The following ARID5A variants were observed in gnomAD, a reference collection of about 807,000 sequenced individuals.
ARID5A encodes AT-rich interactive domain-containing protein 5A.
A neutral mutation model predicts 30.5 loss-of-function variants in ARID5A; 14 were observed. The ratio of observed to expected loss-of-function variants is 0.46; its 90% CI spans 0.30 to 0.72. ARID5A has a LOEUF of 0.72. Ranked by LOEUF, ARID5A falls within the 30% of genes least tolerant of loss-of-function variation. ARID5A has a pLI of 0.07. For missense variants in ARID5A, 669 were observed against 786.2 expected (o/e 0.85, Z 1.78); for synonymous variants, 338 against 340.4 (o/e 0.99, Z 0.08).
chr2:96,549,311 C>G lies in ARID5A; in HGVS notation c.121-10C>G, dbSNP rs1216758638. ...GGGGCCCATCCCAATGCCTCCTGTT[C>G]TCTCCCCAGGACTCCCCCGAGGCAG... On this transcript the variant is annotated splice_polypyrimidine_tract_variant and intron_variant, in intron 2 of 6. Coordinates refer to ENST00000357485, the MANE Select transcript of ARID5A (RefSeq NM_212481.3). The surrounding 1 kb of genome is among the most constrained non-coding windows in gnomAD (Gnocchi z 6.1). 6.2e-7 allele frequency: 1 copy of G among 1,610,798 alleles called. No individual in the cohort carries two copies. The highest frequency in any genetic ancestry group is 1.3e-5 in the African/African-American group (1 of 74,844).
chr2:96,544,826 G>A (rs1467972853), intron 1 of ARID5A, among the ~76,000 whole-genome samples: 2 of 152,182 alleles, frequency 1.3e-5, no homozygotes, highest in Admixed American at 6.5e-5. Flanking sequence ...TCCTCTGATG[G>A]GCAAAATACA....
In ARID5A at chr2:96,550,559, G is replaced by A. The variant is rs377598098; in HGVS notation, c.411-15G>A. 3 of 1,588,758 alleles carry A rather than the reference G, an allele frequency of 1.9e-6. No homozygotes were observed. In the African/African-American group the frequency reaches 4.0e-5, roughly 21 times the overall value. On this transcript the variant is annotated splice_polypyrimidine_tract_variant and intron_variant, in intron 5 of 6. Coordinates refer to ENST00000357485, the MANE Select transcript of ARID5A (RefSeq NM_212481.3). The surrounding 1 kb of genome is among the most constrained non-coding windows in gnomAD (Gnocchi z 6.6). ...GGCGCCGGCCTCCTGGGGGACATGC[G>A]TGGTTCCTCACCAGGCTGGTCCTGC...
Position 96,549,895 on chromosome 2 carries a change from C to T in ARID5A, c.312+90C>T. 1 of 1,549,740 alleles carries T rather than the reference C, an allele frequency of 6.5e-7. No homozygotes were observed. The highest frequency in any genetic ancestry group is 8.7e-7 in the Non-Finnish European group (1 of 1,145,798). On this transcript the variant is annotated intron_variant, in intron 4 of 6. Transcript: ENST00000357485. The surrounding 1 kb of genome is among the most constrained non-coding windows in gnomAD (Gnocchi z 6.1). ...CCTTGCCTCTGGACAGAGGAAGAGCCAGGATCCCCAGTCCTACCCCTGCGT... is the reference window on the plus strand; with the variant it reads ...CCTTGCCTCTGGACAGAGGAAGAGCTAGGATCCCCAGTCCTACCCCTGCGT...
At position 96,550,723 on chromosome 2, in the gene ARID5A, G is replaced by T. The variant is rs761510345; in HGVS notation, c.560G>T (p.Arg187Leu). Residue 187 changes from arginine to leucine, a missense_variant, in exon 6 of 7, where the codon CGC (arginine) becomes CTC (leucine). Transcript: ENST00000357485. The surrounding 1 kb of genome is among the most constrained non-coding windows in gnomAD (Gnocchi z 6.6). Reference protein sequence around the residue: ...ERPKKAKEERRMDQMMPGKTK... With the variant: ...ERPKKAKEERLMDQMMPGKTK... ...CCGAAGAAGGCCAAGGAGGAGCGGC[G>T]CATGGACCAGGTAGGCCTGCGGCTG... 32 of 1,573,776 alleles carry T rather than the reference G, an allele frequency of 2.0e-5. No homozygotes were observed. The highest frequency in any genetic ancestry group is 2.7e-5 in the Non-Finnish European group (31 of 1,160,886).
In ARID5A at chr2:96,551,480, T is replaced by C. The variant is rs1573204959; in HGVS notation, c.952T>C (p.Leu318=). 2 of 1,589,518 alleles carry C rather than the reference T, an allele frequency of 1.3e-6. No homozygotes were observed. Among genetic ancestry groups the C allele is most frequent in the East Asian group, 2.3e-5 (1 of 43,544 alleles). Residue 318 remains leucine, a synonymous_variant, in exon 7 of 7, where the codon TTG becomes CTG. Transcript: ENST00000357485. The stretch of plus-strand genomic sequence containing the variant: ...GCACCGGCTGACCCCTCAGGAGGGA[T>C]TGCAGGCCCCAGGTGGCAGCCTCAG... ...SRHRLTPQEG[L]QAPGGSLREE...
Position 96,549,305 on chromosome 2 carries a change from C to T in ARID5A, c.121-16C>T, listed in dbSNP as rs750903981. 1 of 1,609,824 alleles carries T rather than the reference C, an allele frequency of 6.2e-7. No homozygotes were observed. Among genetic ancestry groups the T allele is most frequent in the Non-Finnish European group, 8.5e-7 (1 of 1,178,556 alleles). On this transcript the variant is annotated splice_polypyrimidine_tract_variant and intron_variant, in intron 2 of 6. Coordinates refer to ENST00000357485, the MANE Select transcript of ARID5A (RefSeq NM_212481.3). This position sits in a 1 kb window ranked among gnomAD's most constrained non-coding sequence, Gnocchi z 6.1. ...CCAACTGGGGCCCATCCCAATGCCTCCTGTTCTCTCCCCAGGACTCCCCCG... is the reference window on the plus strand; with the variant it reads ...CCAACTGGGGCCCATCCCAATGCCTTCTGTTCTCTCCCCAGGACTCCCCCG...
chr2:96,550,678 A>T lies in ARID5A; in HGVS notation c.515A>T (p.Asp172Val). ...QYKMAKENRG[D>V]DGATERPKKA... ...AAGATGGCTAAGGAGAACAGGGGGG[A>T]TGATGGGGCCACCGAGAGGCCGAAG... The change falls in exon 6 of 7, where the codon GAT (aspartate) becomes GTT (valine). Residue 172 changes from aspartate to valine, a missense_variant. Physicochemically the swap from Asp to Val is radical, Grantham distance 152 (BLOSUM62 -3). Around this residue, in one of 4 missense-constraint regions of ARID5A, gnomAD observed 548 missense variants for 577.4 expected, o/e 0.95. Transcript: ENST00000357485. The surrounding 1 kb of genome is among the most constrained non-coding windows in gnomAD (Gnocchi z 6.6). The T allele has an allele frequency of 1.9e-6, 3 of 1,600,596 alleles. No individual in the cohort carries two copies. The highest frequency in any genetic ancestry group is 2.6e-6 in the Non-Finnish European group (3 of 1,174,788).
rs774151096 is a variant in ARID5A, at chr2:96,547,510, C to T, written c.113C>T (p.Ser38Leu). 36 of 1,613,798 alleles carry T rather than the reference C, an allele frequency of 2.2e-5. 1 individual carries two copies. Among genetic ancestry groups the T allele is most frequent in the South Asian group, 1.3e-4 (12 of 91,066 alleles). Residue 38 changes from serine to leucine, a missense_variant, in exon 2 of 7, where the codon TCG (serine) becomes TTG (leucine). By Grantham distance (145) the Ser-to-Leu change is moderately radical. Coordinates refer to ENST00000357485, the MANE Select transcript of ARID5A (RefSeq NM_212481.3). ...GKQNGIQNPI[S>L]LEDSPEAGGE... is the part of the protein sequence containing the mutation. The stretch of plus-strand genomic sequence containing the variant: ...CAGAACGGAATCCAGAACCCCATCT[C>T]GCTGGAGGTGAGTTGACTCCCTCTG...
In ARID5A at chr2:96,550,626, C is replaced by T; in HGVS notation, c.463C>T (p.Pro155Ser). 1 of 1,607,998 alleles carries T rather than the reference C, an allele frequency of 6.2e-7. No individual in the cohort carries two copies. The highest frequency in any genetic ancestry group is 1.3e-5 in the African/African-American group (1 of 74,898). Residue 155 changes from proline to serine, a missense_variant, in exon 6 of 7, where the codon CCC (proline) becomes TCC (serine). Pro to Ser is a moderately conservative substitution (Grantham distance 74). Around this residue, in one of 4 missense-constraint regions of ARID5A, gnomAD observed 548 missense variants for 577.4 expected, o/e 0.95. Transcript: ENST00000357485. The surrounding 1 kb of genome is among the most constrained non-coding windows in gnomAD (Gnocchi z 6.6). ...HLKGEDDKPL[P>S]TSKPRKQYKM... The stretch of plus-strand genomic sequence containing the variant: ...GAAGGGGGAGGATGACAAGCCGCTG[C>T]CCACCTCCAAGCCCAGGAAACAGTA...
In ARID5A at chr2:96,550,298, G is replaced by C. The variant is rs1412006725; in HGVS notation, c.410+13G>C. The stretch of plus-strand genomic sequence containing the variant: ...GCCACTACGAGAGGTACGGCGGGGC[G>C]GGCCCGGGTGCTGGACGCCGCCTAC... On this transcript the variant is annotated intron_variant, in intron 5 of 6. Coordinates refer to ENST00000357485, the MANE Select transcript of ARID5A (RefSeq NM_212481.3). This position sits in a 1 kb window ranked among gnomAD's most constrained non-coding sequence, Gnocchi z 6.6. The C allele has an allele frequency of 7.0e-7, 1 of 1,435,888 alleles. No individual in the cohort carries two copies. 88.9% of individuals were successfully genotyped at this position (1,435,888 alleles called of 1,614,324 possible).
In ARID5A at chr2:96,551,949, G is replaced by A. The variant is rs751399490; in HGVS notation, c.1421G>A (p.Cys474Tyr). The change falls in exon 7 of 7, where the codon TGT (cysteine) becomes TAT (tyrosine). Residue 474 changes from cysteine (C) to tyrosine (Y), a missense_variant. Cys to Tyr is a radical substitution (Grantham distance 194). Around this residue, in one of 4 missense-constraint regions of ARID5A, gnomAD observed 548 missense variants for 577.4 expected, o/e 0.95. Coordinates refer to ENST00000357485, the MANE Select transcript of ARID5A (RefSeq NM_212481.3). Reference sequence around the variant, plus strand: ...CTTAAGGAGGCGGATGCCAAGAAGTGTGGGGCCAAACCTGCAGGGTCCGGC... The same window carrying A: ...CTTAAGGAGGCGGATGCCAAGAAGTATGGGGCCAAACCTGCAGGGTCCGGC... The part of the protein sequence containing the change: ...PFLKEADAKK[C>Y]GAKPAGSGLV... 5 of 1,522,288 alleles carry A rather than the reference G, an allele frequency of 3.3e-6. No homozygotes were observed. The South Asian group carries it at 5.2e-5, about 16-fold the overall frequency. 94.3% of individuals were successfully genotyped at this position (1,522,288 alleles called of 1,614,324 possible).
chr2:96,549,221 G>T lies in ARID5A; in HGVS notation c.121-100G>T. The T allele has an allele frequency of 6.5e-7, 1 of 1,539,394 alleles. No individual in the cohort carries two copies. The highest frequency in any genetic ancestry group is 8.7e-7 in the Non-Finnish European group (1 of 1,144,176). The stretch of plus-strand genomic sequence containing the variant: ...GTGTTCTCTGGGAAACTGGGGTTGG[G>T]GTAGGTACCTTATTCCTCCTGCAGC... On this transcript the variant is annotated intron_variant, in intron 2 of 6. Coordinates refer to ENST00000357485, the MANE Select transcript of ARID5A (RefSeq NM_212481.3). This position sits in a 1 kb window ranked among gnomAD's most constrained non-coding sequence, Gnocchi z 6.1.
chr2:96,545,488 G>A (rs566574085), intron 1 of ARID5A, among the ~76,000 whole-genome samples: 7 of 152,272 alleles, frequency 4.6e-5, no homozygotes, highest in Admixed American at 1.3e-4. Flanking sequence ...ATCTACTGGC[G>A]AAGATGCTGT....
chr2:96,541,098 C>T (rs565809254), intron 1 of ARID5A, among the ~76,000 whole-genome samples: 2 of 149,874 alleles, frequency 1.3e-5, no homozygotes, highest in Admixed American at 6.7e-5. Context: ...AATGCAGTGG[C>T]GCGAGCTCAG....
chr2:96,550,858 G>T lies in ARID5A; in HGVS notation c.570+125G>T. 1.5e-6 allele frequency: 2 copies of T among 1,376,810 alleles called. No homozygotes were observed. Among genetic ancestry groups the T allele is most frequent in the East Asian group, 2.5e-5 (1 of 39,752 alleles). The allele number at this position is 1,376,810 out of a possible 1,614,324, so 85.3% of individuals were successfully genotyped here. ...AGAACCTGCACCCAGGGCGGGACTT[G>T]CAAGGTTCCAGGTTCTCCACAGATG... On this transcript the variant is annotated intron_variant, in intron 6 of 6. Transcript: ENST00000357485. The surrounding 1 kb of genome is among the most constrained non-coding windows in gnomAD (Gnocchi z 6.6).
chr2:96,548,919 T>TG (rs1321959545), intron 2 of ARID5A, among the ~76,000 whole-genome samples: 1 of 152,224 alleles, frequency 6.6e-6, no homozygotes, highest in African/African-American at 2.4e-5. Context: ...TCTGCGGTTA[T>TG]GGGGGAGTCC....
chr2:96,550,637 G>T lies in ARID5A; in HGVS notation c.474G>T (p.Lys158Asn), dbSNP rs750211527. ...ATGACAAGCCGCTGCCCACCTCCAA[G>T]CCCAGGAAACAGTACAAGATGGCTA... ...GEDDKPLPTS[K>N]PRKQYKMAKE... is the part of the protein sequence containing the mutation. The change falls in exon 6 of 7, where the codon AAG becomes AAT. Residue 158 changes from lysine (K) to asparagine (N), a missense_variant. Physicochemically the swap from Lys to Asn is moderately conservative, Grantham distance 94. Coordinates refer to ENST00000357485, the MANE Select transcript of ARID5A (RefSeq NM_212481.3). The surrounding 1 kb of genome is among the most constrained non-coding windows in gnomAD (Gnocchi z 6.6). 2 of 1,608,112 alleles carry T rather than the reference G, an allele frequency of 1.2e-6. No individual in the cohort carries two copies. Among genetic ancestry groups the T allele is most frequent in the Admixed American group, 1.7e-5 (1 of 59,372 alleles).
chr2:96,549,886 A>AG lies in ARID5A; in HGVS notation c.312+83dup. 1 of 1,554,360 alleles carries AG rather than the reference A, an allele frequency of 6.4e-7. No homozygotes were observed. The highest frequency in any genetic ancestry group is 2.3e-5 in the East Asian group (1 of 43,698). On this transcript the variant is annotated intron_variant, in intron 4 of 6. Coordinates refer to ENST00000357485, the MANE Select transcript of ARID5A (RefSeq NM_212481.3). The surrounding 1 kb of genome is among the most constrained non-coding windows in gnomAD (Gnocchi z 6.1). ...CAGCGCTGTCCTTGCCTCTGGACAG[A>AG]GGAAGAGCCAGGATCCCCAGTCCTA... is the stretch of plus-strand genomic sequence containing the variant.
Position 96,552,064 on chromosome 2 carries a change from T to C in ARID5A, c.1536T>C (p.Thr512=). The C allele has an allele frequency of 6.3e-7, 1 of 1,579,182 alleles. No homozygotes were observed. Among genetic ancestry groups the C allele is most frequent in the East Asian group, 2.2e-5 (1 of 44,554 alleles). The change falls in exon 7 of 7, where the codon ACT becomes ACC. Residue 512 remains threonine (T), a synonymous_variant. Coordinates refer to ENST00000357485, the MANE Select transcript of ARID5A (RefSeq NM_212481.3). The stretch of plus-strand genomic sequence containing the variant: ...TGCTGCACTGCCCGCTGAACTTCAC[T>C]GGCACCCCGGGCCCCTTGAAGGGCC... ...GTMLHCPLNF[T]GTPGPLKGQA... is the part of the protein sequence containing the mutation.
Sources: gnomAD v4.1 joint callset for allele counts (sites outside exome capture counted in the v4.1 genomes callset) on GRCh38, gnomAD v4.1.1 for gene constraint, gnomAD v4.1.1 regional missense constraint, Gnocchi (gnomAD v3.1) non-coding constraint, MANE v1.5 for transcripts, NCBI Gene and HGNC (gene_info 2026-07-23, HGNC 2026-07-21) for gene names.